Variants in SLC17A5 observed in about 807,000 individuals in gnomAD.
The protein encoded by SLC17A5 is solute carrier family 17 member 5, also known as sialin.
SLC17A5 carries 47 observed loss-of-function variants against 59.4 expected under a neutral mutation model. The ratio of observed to expected loss-of-function variants is 0.79; its 90% CI spans 0.63 to 1.01. The LOEUF (loss-of-function observed/expected upper bound fraction) is 1.01, where lower values mean the gene tolerates loss of function less well. Among genes scored for constraint, SLC17A5 ranks in the 50% least tolerant of loss-of-function variants. The pLI is 0.00. For synonymous variants in SLC17A5, 202 were observed against 210.7 expected (o/e 0.96, Z 0.36); for missense variants, 522 against 595.5 (o/e 0.88, Z 1.28).
At chr6:73,614,276 A>G (rs2150090486) in intron 8 of SLC17A5, among the ~76,000 whole-genome samples, 1 of 152,204 alleles carries the variant, frequency 6.6e-6, no homozygotes, top group East Asian at 1.9e-4. Context: ...AAGAAAAAAA[A>G]TAAGAAAAGA....
At chr6:73,609,924 A>T (rs1767572011) in intron 9 of SLC17A5, among the ~76,000 whole-genome samples, 1 of 152,162 alleles carries the variant, frequency 6.6e-6, no homozygotes, top group Admixed American at 6.6e-5. Flanking sequence ...TGTTGAGAAG[A>T]TGAAATTGCT....
intron 3 of SLC17A5, 37 bp downstream of exon 3, chr6:73,641,654 A>G (rs1769289407): frequency 1.4e-6 from 2 of 1,426,592 alleles, no homozygotes; most frequent in Non-Finnish European, 1.9e-6. Flanking sequence ...AAGGAGACAC[A>G]CGGTAAGAAG....
intron 1 of SLC17A5, chr6:73,645,449 G>T (rs1244639258): frequency 1.0e-6 from 1 of 985,062 alleles, no homozygotes; most frequent in African/African-American, 1.7e-5. Context: ...AAGCGTAAAG[G>T]GCTCACAGTA....
intron 9 of SLC17A5, among the ~76,000 whole-genome samples, chr6:73,607,532 C>T (rs1767447846): frequency 1.3e-5 from 2 of 151,858 alleles, no homozygotes. Flanking sequence ...TCCCAAAGTG[C>T]CGGGATTACA....
chr6:73,637,676 C>T (rs1210342247), intron 4 of SLC17A5, among the ~76,000 whole-genome samples: 3 of 152,056 alleles, frequency 2.0e-5, no homozygotes, highest in African/African-American at 7.2e-5. Context: ...TGAGTGCCCT[C>T]GTACATGCTG....
intron 1 of SLC17A5, among the ~76,000 whole-genome samples, chr6:73,650,214 A>G (rs141093720): frequency 0.12 from 3,363 of 27,884 alleles, 74 homozygotes; most frequent in Non-Finnish European, 0.22. Context: ...AAAAAAAAAA[A>G]AGAAAGAAAA....
At chr6:73,622,183 A>T (rs1414305853) in intron 6 of SLC17A5, among the ~76,000 whole-genome samples, 1 of 152,206 alleles carries the variant, frequency 6.6e-6, no homozygotes, top group East Asian at 1.9e-4. Flanking sequence ...AAAGTCCATG[A>T]TTCAGATTAG....
At chr6:73,601,726 G>A (rs1252622022) in intron 9 of SLC17A5, among the ~76,000 whole-genome samples, 8 of 122,292 alleles carry the variant, frequency 6.5e-5, no homozygotes, top group African/African-American at 1.3e-4. Context: ...CGCCCCGTCC[G>A]GGAGGTGAGG....
rs886061737 is a variant in SLC17A5, at chr6:73,653,972, T to G, written c.-86A>C. On this transcript the variant is annotated 5_prime_UTR_variant, in exon 1 of 11. Coordinates refer to ENST00000355773, the MANE Select transcript of SLC17A5 (RefSeq NM_012434.5). Reference sequence around the variant, plus strand: ...CCCGAAGCCCCCGGGCCGAGCTGGCTGGACCGGGCGGGGCGGGGGCGATGA... The same window carrying G: ...CCCGAAGCCCCCGGGCCGAGCTGGCGGGACCGGGCGGGGCGGGGGCGATGA... The G allele has an allele frequency of 3.6e-5, 43 of 1,208,732 alleles. No homozygotes were observed. The East Asian group carries it at 1.1e-3, about 32-fold the overall frequency. The allele number at this position is 1,208,732 out of a possible 1,614,324, so 74.9% of individuals were successfully genotyped here. A position where few individuals can be genotyped will look rare whatever the true frequency, so the allele number is the denominator to read the frequency against.
chr6:73,621,754 G>C, intron 7 of SLC17A5, 50 bp downstream of exon 7: 1 of 1,403,706 alleles, frequency 7.1e-7, no homozygotes, highest in African/African-American at 1.4e-5. Context: ...CAAATTCTGT[G>C]TATGGTCTTA....
At chr6:73,638,306 G>A (rs932928777) in intron 4 of SLC17A5, 106 bp downstream of exon 4, 35 of 802,304 alleles carry the variant, frequency 4.4e-5, no homozygotes, top group Middle Eastern at 4.5e-4. Context: ...TCTCCCCAAA[G>A]GGGCATCCAA....
At chr6:73,610,775 T>C (rs956619653) in intron 8 of SLC17A5, among the ~76,000 whole-genome samples, 4 of 152,152 alleles carry the variant, frequency 2.6e-5, no homozygotes, top group African/African-American at 9.7e-5. Flanking sequence ...TTATTAAATC[T>C]ACATGTGGCC....
chr6:73,597,179 T>C (rs1200362502), intron 10 of SLC17A5, among the ~76,000 whole-genome samples: 1 of 137,244 alleles, frequency 7.3e-6, no homozygotes, highest in Non-Finnish European at 1.6e-5. Context: ...AATAAATAAA[T>C]AAACCAGGCC....
At chr6:73,643,791 T>C (rs1769412545) in intron 2 of SLC17A5, among the ~76,000 whole-genome samples, 1 of 152,230 alleles carries the variant, frequency 6.6e-6, no homozygotes, top group Non-Finnish European at 1.5e-5. Flanking sequence ...AATGTACTTC[T>C]AAAAAGAATA....
intron 8 of SLC17A5, among the ~76,000 whole-genome samples, chr6:73,611,675 C>T (rs1170906810): frequency 2.6e-5 from 4 of 151,874 alleles, no homozygotes; most frequent in African/African-American, 4.8e-5. Context: ...GGCAGTTAAG[C>T]GTAAAATATG....
At chr6:73,620,265 C>T (rs1768080141) in intron 7 of SLC17A5, among the ~76,000 whole-genome samples, 1 of 152,002 alleles carries the variant, frequency 6.6e-6, no homozygotes, top group Non-Finnish European at 1.5e-5. Context: ...CAGTTTTACC[C>T]CAAATGATAA....
intron 1 of SLC17A5, chr6:73,645,408 C>A (rs935878637): frequency 2.0e-5 from 20 of 985,010 alleles, no homozygotes; most frequent in Non-Finnish European, 2.2e-5. Context: ...ATGACAGTTG[C>A]AGCATCTGTG....
intron 4 of SLC17A5, among the ~76,000 whole-genome samples, chr6:73,637,611 T>C (rs914928705): frequency 1.3e-5 from 2 of 152,206 alleles, no homozygotes; most frequent in Non-Finnish European, 2.9e-5. Flanking sequence ...CTCACTGAGT[T>C]CTAGCCATCC....
Position 73,635,564 on chromosome 6 carries a change from CAAAAA to C in SLC17A5, c.701-69_701-65del, listed in dbSNP as rs1561997535. The C allele has an allele frequency of 1.7e-5, 14 of 801,450 alleles. No homozygotes were observed. In the South Asian group the frequency reaches 2.0e-4, roughly 11 times the overall value. The allele number at this position is 801,450 out of a possible 1,614,324, so 49.6% of individuals were successfully genotyped here. ...GTACCAAATAACAAACAAAACAAAACAAAAACACAAAATTAGAAAGCACCAACAAC... is the reference window on the plus strand; with the variant it reads ...GTACCAAATAACAAACAAAACAAAACCACAAAATTAGAAAGCACCAACAAC... On this transcript the variant is annotated intron_variant, in intron 5 of 10. Transcript: ENST00000355773.
Sources: gnomAD v4.1 joint callset for allele counts (sites outside exome capture counted in the v4.1 genomes callset) on GRCh38, gnomAD v4.1.1 for gene constraint, MANE v1.5 for transcripts, NCBI Gene and HGNC (gene_info 2026-07-23, HGNC 2026-07-21) for gene names.